AOAH: variants seen among roughly 807,000 people sequenced by gnomAD.
AOAH encodes the protein acyloxyacyl hydrolase, also known as acyloxyacyl hydrolase (neutrophil).
In AOAH, 64 loss-of-function variants were observed where a neutral mutation model predicts 92.2. The ratio of observed to expected loss-of-function variants is 0.69; its 90% confidence interval spans 0.57 to 0.86. The LOEUF (loss-of-function observed/expected upper bound fraction) is 0.86. AOAH is among the 40% of genes least tolerant of loss of function. The pLI is 0.00. For synonymous variants in AOAH, 263 were observed against 254.5 expected, an observed-to-expected ratio of 1.03 and a Z score of -0.32; for missense variants, 656 against 694.6, an observed-to-expected ratio of 0.94 and a Z score of 0.62.
chr7:36,516,123 CCA>C lies in AOAH; in HGVS notation c.1600-2745_1600-2744del, dbSNP rs2115701353. Among the ~76,000 whole-genome samples the C allele has an allele frequency of 6.7e-6, 1 of 148,710 alleles. No individual in the cohort carries two copies. The highest frequency in any genetic ancestry group is 2.2e-4 in the South Asian group (1 of 4,596). ...ACCACACAGATACATCACACACACA[CCA>C]CACACAGATACACCACACACATCTC... On this transcript the variant is annotated intron_variant, in intron 20 of 20. Coordinates refer to ENST00000617537, the MANE Select transcript of AOAH (RefSeq NM_001637.4). The surrounding 1 kb of genome is among the most constrained non-coding windows in gnomAD (Gnocchi z 5.0).
chr7:36,608,466 T>C (rs1791161327), intron 11 of AOAH, among the ~76,000 whole-genome samples: 1 of 152,250 alleles, frequency 6.6e-6, no homozygotes, highest in Non-Finnish European at 1.5e-5. Context: ...GTCCACATTG[T>C]CTCAGGCCTT....
At chr7:36,682,262 G>A (rs940532513) in intron 2 of AOAH, among the ~76,000 whole-genome samples, 1 of 149,904 alleles carries the variant, frequency 6.7e-6, no homozygotes, top group African/African-American at 2.4e-5. Context: ...AGTAAATAGG[G>A]AAACAGTCAG....
At chr7:36,615,756 T>A (rs765482057) in intron 11 of AOAH, among the ~76,000 whole-genome samples, 2 of 152,244 alleles carry the variant, frequency 1.3e-5, no homozygotes, top group Non-Finnish European at 2.9e-5. Flanking sequence ...GTCATTCATC[T>A]GAGTAATGCA....
intron 1 of AOAH, among the ~76,000 whole-genome samples, chr7:36,718,405 A>G (rs1799386548): frequency 6.6e-6 from 1 of 152,196 alleles, no homozygotes; most frequent in South Asian, 2.1e-4. Flanking sequence ...CAGTTCCTCA[A>G]AATGTTAAAG....
chr7:36,522,552 A>C (rs1462287099), intron 19 of AOAH, among the ~76,000 whole-genome samples: 2 of 152,192 alleles, frequency 1.3e-5, no homozygotes, highest in African/African-American at 2.4e-5. Context: ...AAAATCATAC[A>C]GTATGTCAGG....
At position 36,623,238 on chromosome 7, in the gene AOAH, C is replaced by T; in HGVS notation, c.534G>A (p.Gln178=). The change falls in exon 7 of 21, where the codon CAG becomes CAA. Residue 178 remains glutamine (Q), a synonymous_variant. Coordinates refer to ENST00000617537, the MANE Select transcript of AOAH (RefSeq NM_001637.4). ...ICQKIKLAME[Q]SVPFKDVDSD... is the part of the protein sequence containing the mutation. ...AATCCACATCTTTGAATGGCACAGA[C>T]TGTTCCATAGCTCTAGGAAAAAGAA... The T allele has an allele frequency of 6.2e-7, 1 of 1,614,012 alleles. No individual in the cohort carries two copies. The highest frequency in any genetic ancestry group is 8.5e-7 in the Non-Finnish European group (1 of 1,179,970).
In AOAH at chr7:36,587,229, G is replaced by A. The variant is rs185286143; in HGVS notation, c.938+7110C>T. On this transcript the variant is annotated intron_variant, in intron 12 of 20. Transcript: ENST00000617537. ...AGAGGTTGCAGTGAGCCAAGATCAC[G>A]CCACTGCACTCCAGCCTGGGCAATA... 1.5e-3 allele frequency among the ~76,000 whole-genome samples: 210 copies of A among 138,230 alleles called. 2 individuals carry two copies. The Middle Eastern group carries it at 0.025, about 16-fold the overall frequency. 90.7% of individuals were successfully genotyped at this position (138,230 alleles called of 152,430 possible).
At chr7:36,714,004 C>CA (rs1429449622) in intron 1 of AOAH, among the ~76,000 whole-genome samples, 7 of 152,090 alleles carry the variant, frequency 4.6e-5, no homozygotes, top group African/African-American at 1.2e-4. Context: ...AATAGAGACA[C>CA]AAAAAACCCT....
intron 6 of AOAH, among the ~76,000 whole-genome samples, chr7:36,628,543 G>A (rs1792838268): frequency 1.3e-5 from 2 of 150,998 alleles, no homozygotes; most frequent in Admixed American, 1.3e-4. Flanking sequence ...AGACCAGCAA[G>A]GAAGCAGGGA....
chr7:36,522,264 G>T, intron 19 of AOAH, 149 bp from the exon 20 acceptor site: 1 of 635,300 alleles, frequency 1.6e-6, no homozygotes, highest in Non-Finnish European at 2.8e-6. Context: ...TGCACTGGGG[G>T]ATTTCTGAAC....
intron 3 of AOAH, among the ~76,000 whole-genome samples, chr7:36,666,496 CT>C (rs990164232): frequency 7.9e-5 from 12 of 151,910 alleles, no homozygotes; most frequent in Non-Finnish European, 1.6e-4. Flanking sequence ...AAAAATCTAG[CT>C]TTTGGTTTAA....
At chr7:36,558,946 G>A (rs192929414) in intron 13 of AOAH, among the ~76,000 whole-genome samples, 496 of 152,348 alleles carry the variant, frequency 3.3e-3, no homozygotes, top group African/African-American at 0.012. Flanking sequence ...GCAATGCCTC[G>A]CCCTGTTTTG....
chr7:36,702,102 A>G (rs867596481), intron 1 of AOAH, among the ~76,000 whole-genome samples: 4 of 152,260 alleles, frequency 2.6e-5, no homozygotes, highest in Middle Eastern at 3.4e-3. Flanking sequence ...TACATTTTAT[A>G]TCTATAAGTG....
intron 4 of AOAH, among the ~76,000 whole-genome samples, chr7:36,655,669 C>G (rs73689812): frequency 2.4e-3 from 358 of 152,188 alleles, no homozygotes; most frequent in African/African-American, 7.8e-3. Context: ...ATCAGTGAGG[C>G]CTTCACATGA....
At chr7:36,720,232 C>A (rs1324956277) in intron 1 of AOAH, among the ~76,000 whole-genome samples, 5 of 152,014 alleles carry the variant, frequency 3.3e-5, no homozygotes, top group Non-Finnish European at 7.4e-5. Context: ...TCACTGCAAC[C>A]TCTGCCTCCT....
At chr7:36,580,581 C>T (rs887324511) in intron 12 of AOAH, among the ~76,000 whole-genome samples, 35 of 152,312 alleles carry the variant, frequency 2.3e-4, no homozygotes, top group Non-Finnish European at 4.6e-4. Context: ...CTCTAAGTTG[C>T]TTTTTTTCCC....
At chr7:36,591,022 A>G (rs4437538) in intron 12 of AOAH, among the ~76,000 whole-genome samples, 36,173 of 151,994 alleles carry the variant, frequency 0.24, 5,259 homozygotes, top group African/African-American at 0.4. Flanking sequence ...ATGATCCCAC[A>G]GATGCAGTGT....
chr7:36,676,633 C>T (rs959182222), intron 2 of AOAH, among the ~76,000 whole-genome samples: 1 of 152,100 alleles, frequency 6.6e-6, no homozygotes, highest in African/African-American at 2.4e-5. Context: ...AAAAGTCAAG[C>T]GACTCAGAAC....
At position 36,513,309 on chromosome 7, in the gene AOAH, C is replaced by A. The variant is rs1790151211; in HGVS notation, c.1671G>T (p.Lys557Asn). The A allele has an allele frequency of 6.2e-7, 1 of 1,614,084 alleles. No homozygotes were observed. The highest frequency in any genetic ancestry group is 1.3e-5 in the African/African-American group (1 of 74,930). The change falls in exon 21 of 21, where the codon AAG becomes AAT. Residue 557 changes from lysine to asparagine, a missense_variant. Lys to Asn is a moderately conservative substitution (Grantham distance 94, BLOSUM62 0). Transcript: ENST00000617537. ...TAATCTGGGGGTTGAACGGATTCTC[C>A]TTTCCCAGGATTTGGGGCCACTGGA... ...VQLQWPQILG[K>N]ENPFNPQIKQ... is the part of the protein sequence containing the mutation.
Sources: gnomAD v4.1 joint callset for allele counts (sites outside exome capture counted in the v4.1 genomes callset) on GRCh38, gnomAD v4.1.1 for gene constraint, Gnocchi (gnomAD v3.1) non-coding constraint, MANE v1.5 for transcripts, NCBI Gene and HGNC (gene_info 2026-07-23, HGNC 2026-07-21) for gene names.